CUL5: variants seen among roughly 807,000 people sequenced by gnomAD.
The protein encoded by CUL5 is cullin-5.
A neutral mutation model predicts 108.8 loss-of-function variants in CUL5; 26 were observed. The observed-to-expected ratio is 0.24, with a 90% confidence interval of 0.18 to 0.33. The LOEUF is 0.33. Among genes scored for constraint, CUL5 ranks in the 10% least tolerant of loss-of-function variants. The pLI is 1.00. For synonymous variants in CUL5, 334 were observed against 298.0 expected (o/e 1.12, Z -1.25); for missense variants, 524 against 909.2 (o/e 0.58, Z 5.45).
intron 1 of CUL5, among the ~76,000 whole-genome samples, chr11:108,023,981 C>T (rs994224424): frequency 1.4e-4 from 22 of 152,068 alleles, no homozygotes; most frequent in African/African-American, 3.6e-4. Context: ...GTGATGTTTC[C>T]GCCGTATGGT....
chr11:108,016,721 GA>G (rs1862200917), intron 1 of CUL5, among the ~76,000 whole-genome samples: 1 of 152,160 alleles, frequency 6.6e-6, no homozygotes, highest in Non-Finnish European at 1.5e-5. Context: ...AGTGATTTGG[GA>G]GGCCAAGGTG....
chr11:108,096,281 A>G lies in CUL5; in HGVS notation c.1905+590A>G, dbSNP rs559031856. Reference sequence around the variant, plus strand: ...AAGGTGGGAGAAGAGGATTGCTTGAACTCAGGAGTTTGAGACTAGCTAGGC... The same window carrying G: ...AAGGTGGGAGAAGAGGATTGCTTGAGCTCAGGAGTTTGAGACTAGCTAGGC... On this transcript the variant is annotated intron_variant, in intron 16 of 18. Coordinates refer to ENST00000393094, the MANE Select transcript of CUL5 (RefSeq NM_003478.6). 1.4e-4 allele frequency among the ~76,000 whole-genome samples: 21 copies of G among 150,586 alleles called. No individual in the cohort carries two copies. In the South Asian group the frequency reaches 2.7e-3, roughly 20 times the overall value.
chr11:108,057,065 TCTC>T (rs903308700), intron 7 of CUL5, among the ~76,000 whole-genome samples: 2 of 152,192 alleles, frequency 1.3e-5, no homozygotes, highest in African/African-American at 4.8e-5. Flanking sequence ...ATTGTTCTGA[TCTC>T]CTACTGCAAT....
intron 5 of CUL5, among the ~76,000 whole-genome samples, chr11:108,053,741 G>A (rs984167921): frequency 6.7e-6 from 1 of 150,286 alleles, no homozygotes; most frequent in Non-Finnish European, 1.5e-5. Flanking sequence ...GTGCAGTGGC[G>A]TGATCATGGC....
intron 2 of CUL5, among the ~76,000 whole-genome samples, chr11:108,042,718 C>T (rs1034348448): frequency 6.6e-6 from 1 of 152,046 alleles, no homozygotes; most frequent in Non-Finnish European, 1.5e-5. Context: ...TGTTTATATG[C>T]ATAAAATAGT....
chr11:108,041,344 C>T (rs1289600326), intron 2 of CUL5, among the ~76,000 whole-genome samples: 2 of 149,202 alleles, frequency 1.3e-5, no homozygotes, highest in African/African-American at 5.0e-5. Flanking sequence ...GTGGCATGAT[C>T]TCGGCTCATT....
intron 8 of CUL5, among the ~76,000 whole-genome samples, chr11:108,070,771 G>A (rs183966450): frequency 3.3e-5 from 5 of 151,776 alleles, no homozygotes; most frequent in African/African-American, 7.3e-5. Flanking sequence ...TTTAAATAAC[G>A]TACTTCTACT....
chr11:108,101,700 C>T (rs1864673639), intron 18 of CUL5, among the ~76,000 whole-genome samples: 1 of 152,192 alleles, frequency 6.6e-6, no homozygotes, highest in Non-Finnish European at 1.5e-5. Context: ...TACTGTGCTA[C>T]TCTTTAAGTG....
intron 8 of CUL5, among the ~76,000 whole-genome samples, chr11:108,071,060 A>C (rs1180414139): frequency 6.6e-6 from 1 of 152,238 alleles, no homozygotes; most frequent in Admixed American, 6.5e-5. Flanking sequence ...AAAATGGCAT[A>C]ACATGAAAAA....
At chr11:108,089,471 G>A (rs762645253) in intron 12 of CUL5, 21 bp from the exon 13 acceptor site, 32 of 1,519,234 alleles carry the variant, frequency 2.1e-5, no homozygotes, top group East Asian at 1.7e-4. Context: ...AGAACTGAAA[G>A]TAACTTTATT....
At chr11:108,096,685 G>A (rs980203903) in intron 16 of CUL5, among the ~76,000 whole-genome samples, 16 of 142,874 alleles carry the variant, frequency 1.1e-4, no homozygotes, top group African/African-American at 3.9e-4. Flanking sequence ...TCCTACCTCA[G>A]CCTCCCAAGT....
intron 11 of CUL5, among the ~76,000 whole-genome samples, chr11:108,079,019 G>A (rs1163143724): frequency 2.0e-5 from 3 of 152,070 alleles, no homozygotes; most frequent in Non-Finnish European, 4.4e-5. Context: ...GAAACATATA[G>A]CACTGCATCT....
intron 1 of CUL5, among the ~76,000 whole-genome samples, chr11:108,032,639 T>C (rs1862622514): frequency 6.6e-6 from 1 of 152,222 alleles, no homozygotes; most frequent in South Asian, 2.1e-4. Flanking sequence ...TTTTTCCTAA[T>C]ATTGCACTAC....
chr11:108,099,351 C>T (rs1864585497), intron 18 of CUL5, among the ~76,000 whole-genome samples: 1 of 152,026 alleles, frequency 6.6e-6, no homozygotes, highest in African/African-American at 2.4e-5. Context: ...ATTAAAAATG[C>T]ATATTACCTA....
At chr11:108,063,019 A>C (rs1028668286) in intron 7 of CUL5, among the ~76,000 whole-genome samples, 3 of 151,854 alleles carry the variant, frequency 2.0e-5, no homozygotes, top group African/African-American at 7.3e-5. Flanking sequence ...CTAATTTTGT[A>C]TTTTTAGTAG....
intron 18 of CUL5, among the ~76,000 whole-genome samples, chr11:108,100,536 T>A (rs1295654838): frequency 6.6e-6 from 1 of 151,438 alleles, no homozygotes; most frequent in African/African-American, 2.4e-5. Flanking sequence ...AGAGTGAGAC[T>A]CCATCTCAAA....
chr11:108,046,298 G>A lies in CUL5; in HGVS notation c.163G>A (p.Asp55Asn), dbSNP rs757936610. ...TGTGCATGCAGTCTGTCTTTGGGAT[G>A]ATAAAGGCCCAGCAAAAATTCATCA... ...SDVHAVCLWD[D>N]KGPAKIHQAL... The change falls in exon 3 of 19, where the codon GAT (aspartate) becomes AAT (asparagine). Residue 55 changes from aspartate (D) to asparagine (N), a missense_variant. Around this residue, in one of 8 missense-constraint regions of CUL5, gnomAD observed 76 missense variants for 90.8 expected, o/e 0.84. Coordinates refer to ENST00000393094, the MANE Select transcript of CUL5 (RefSeq NM_003478.6). 1.2e-6 allele frequency: 2 copies of A among 1,612,916 alleles called. No homozygotes were observed. The highest frequency in any genetic ancestry group is 1.7e-6 in the Non-Finnish European group (2 of 1,179,380).
chr11:108,095,088 A>C (rs111925498), intron 15 of CUL5, 101 bp downstream of exon 15: 1 of 1,000,116 alleles, frequency 1.0e-6, no homozygotes, highest in South Asian at 1.8e-5. Context: ...CCTCTCTCAC[A>C]TGTAAAAGTT....
intron 3 of CUL5, among the ~76,000 whole-genome samples, chr11:108,048,823 T>A (rs1591297784): frequency 1.3e-5 from 2 of 151,840 alleles, no homozygotes; most frequent in Non-Finnish European, 2.9e-5. Flanking sequence ...CATGCCACCA[T>A]GCCTGGCTAA....
Sources: allele counts gnomAD v4.1 joint callset (sites outside exome capture counted in the v4.1 genomes callset), GRCh38; gene constraint gnomAD v4.1.1; regional missense constraint gnomAD v4.1.1; transcripts MANE v1.5; gene names NCBI Gene and HGNC (gene_info 2026-07-23, HGNC 2026-07-21).